Variants in ATP6V0E2 observed in about 807,000 individuals in gnomAD.
ATP6V0E2 encodes ATPase H+ transporting V0 subunit e2.
A neutral mutation model predicts 11.5 loss-of-function variants in ATP6V0E2; 4 were observed. The observed-to-expected ratio is 0.35, with a 90% CI of 0.17 to 0.80. The LOEUF is 0.80. ATP6V0E2 is among the 30% of genes least tolerant of loss of function. The probability of loss-of-function intolerance (pLI) is 0.53; values close to 1 mark genes in which losing one functional copy is unlikely to be tolerated. For synonymous variants in ATP6V0E2, 52 were observed against 51.0 expected, an observed-to-expected ratio of 1.02 and a Z score of -0.09; for missense variants, 93 against 113.5, an observed-to-expected ratio of 0.82 and a Z score of 0.82.
rs1206458932 is a variant in ATP6V0E2, at chr7:149,880,557, A to C, written c.*1242A>C. On this transcript the variant is annotated 3_prime_UTR_variant, in exon 4 of 4. Coordinates refer to ENST00000425642, the MANE Select transcript of ATP6V0E2 (RefSeq NM_145230.4). Reference sequence around the variant, plus strand: ...CTGGCTGGCCAGCTGCTCAGGGCTCAGGCTGGGGCCTCCCATTGACATCCT... The same window carrying C: ...CTGGCTGGCCAGCTGCTCAGGGCTCCGGCTGGGGCCTCCCATTGACATCCT... The C allele has an allele frequency of 6.6e-6, 1 of 152,448 alleles. No individual in the cohort carries two copies. Among genetic ancestry groups the C allele is most frequent in the Non-Finnish European group, 1.5e-5 (1 of 68,228 alleles). The allele number at this position is 152,448 out of a possible 1,614,324, so 9.4% of individuals were successfully genotyped here. A position where few individuals can be genotyped will look rare whatever the true frequency, so the allele number is the denominator to read the frequency against.
intron 2 of ATP6V0E2, among the ~76,000 whole-genome samples, chr7:149,878,006 A>C (rs6980277): frequency 0.6 from 90,527 of 152,132 alleles, 27,296 homozygotes; most frequent in African/African-American, 0.63. Context: ...CAGACAAAGC[A>C]GTGTGGATGT....
chr7:149,873,927 G>A (rs1427506849), upstream of ATP6V0E2: 1 of 1,525,550 alleles, frequency 6.6e-7, no homozygotes, highest in East Asian at 2.4e-5. Flanking sequence ...AGATGCGCGT[G>A]CGCGGCCCGG....
Position 149,879,470 on chromosome 7 carries a change from TG to T in ATP6V0E2, c.*157del, listed in dbSNP as rs754994132. 6.3e-7 allele frequency: 1 copy of T among 1,594,826 alleles called. No individual in the cohort carries two copies. The highest frequency in any genetic ancestry group is 8.5e-7 in the Non-Finnish European group (1 of 1,171,252). ...GAGACCCGGACCCGCAGGGCCTGCC[TG>T]GTTCCTGGAAGTCTTCCCAGTCTTC... On this transcript the variant is annotated 3_prime_UTR_variant, in exon 4 of 4. Coordinates refer to ENST00000425642, the MANE Select transcript of ATP6V0E2 (RefSeq NM_145230.4).
In ATP6V0E2 at chr7:149,880,319, C is replaced by T. The variant is rs1002759665; in HGVS notation, c.*1004C>T. The T allele has an allele frequency of 6.5e-6, 1 of 152,940 alleles. No individual in the cohort carries two copies. The highest frequency in any genetic ancestry group is 1.5e-5 in the Non-Finnish European group (1 of 68,512). 9.5% of individuals were successfully genotyped at this position (152,940 alleles called of 1,614,324 possible). On this transcript the variant is annotated 3_prime_UTR_variant, in exon 4 of 4. Transcript: ENST00000425642. ...GGGGTCCCGGACCTCTCCAGCCTTG[C>T]CCTCACGCTTACCCGAGCTCCCAGT...
upstream of ATP6V0E2, chr7:149,873,739 GC>G (rs1243727173): frequency 3.8e-6 from 3 of 792,886 alleles, no homozygotes; most frequent in African/African-American, 1.9e-5. Context: ...AAATAAGAAT[GC>G]GGCGTGACGT....
At position 149,880,344 on chromosome 7, in the gene ATP6V0E2, T is replaced by A. The variant is rs1485630744; in HGVS notation, c.*1029T>A. 6.6e-6 allele frequency: 1 copy of A among 152,458 alleles called. No homozygotes were observed. Among genetic ancestry groups the A allele is most frequent in the East Asian group, 1.9e-4 (1 of 5,206 alleles). The allele number at this position is 152,458 out of a possible 1,614,324, so 9.4% of individuals were successfully genotyped here. On this transcript the variant is annotated 3_prime_UTR_variant, in exon 4 of 4. Coordinates refer to ENST00000425642, the MANE Select transcript of ATP6V0E2 (RefSeq NM_145230.4). ...CCCTCACGCTTACCCGAGCTCCCAG[T>A]GTGGTTAGCACAGAGCTCACCCACC...
At position 149,879,678 on chromosome 7, in the gene ATP6V0E2, G is replaced by A. The variant is rs371152994; in HGVS notation, c.*363G>A. ...GATGCCAGGACTCAGCCCATCCTGA[G>A]GAGGACACGTGTCCTCATGGAGAGG... On this transcript the variant is annotated 3_prime_UTR_variant, in exon 4 of 4. Coordinates refer to ENST00000425642, the MANE Select transcript of ATP6V0E2 (RefSeq NM_145230.4). 2.7e-5 allele frequency: 39 copies of A among 1,430,628 alleles called. No homozygotes were observed. The African/African-American group carries it at 5.7e-4, about 21-fold the overall frequency. 88.6% of individuals were successfully genotyped at this position (1,430,628 alleles called of 1,614,324 possible).
Position 149,874,147 on chromosome 7 carries a change from G to A in ATP6V0E2, c.82G>A (p.Val28Met). ...CGTCGGCATCGCCGGGCCCTGGTTC[G>A]TGCCGAAGGGACCCAACCGCGGGTA... ...GLVGIAGPWF[V>M]PKGPNRGVII... Residue 28 changes from valine to methionine, a missense_variant, in exon 1 of 4, where the codon GTG becomes ATG. Coordinates refer to ENST00000425642, the MANE Select transcript of ATP6V0E2 (RefSeq NM_145230.4). 1 of 1,549,568 alleles carries A rather than the reference G, an allele frequency of 6.5e-7. No homozygotes were observed. Among genetic ancestry groups the A allele is most frequent in the Middle Eastern group, 1.7e-4 (1 of 5,992 alleles).
rs748657193 is a variant in ATP6V0E2, at chr7:149,878,784, G to A, written c.*13G>A. ...CCTGTGGGAGTGACCCGCCGCCCCC[G>A]ACCCAGGTACTGTGTGGGCGAGGGG... On this transcript the variant is annotated 3_prime_UTR_variant, in exon 3 of 4. Coordinates refer to ENST00000425642, the MANE Select transcript of ATP6V0E2 (RefSeq NM_145230.4). 13 of 1,612,532 alleles carry A rather than the reference G, an allele frequency of 8.1e-6. No homozygotes were observed. The Admixed American group carries it at 1.0e-4, about 12-fold the overall frequency.
chr7:149,875,619 C>T lies in ATP6V0E2; in HGVS notation c.126C>T (p.Val42=), dbSNP rs747235217. ...GCAGAGTGATCATCACCATGCTGGT[C>T]GCCACCGCCGTCTGCTGTTACCTCT... ...PNRGVIITML[V]ATAVCCYLFW... Residue 42 remains valine, a synonymous_variant, in exon 2 of 4, where the codon GTC becomes GTT. Transcript: ENST00000425642. 1.1e-5 allele frequency: 17 copies of T among 1,613,674 alleles called. No individual in the cohort carries two copies. The Admixed American group carries it at 1.8e-4, about 17-fold the overall frequency.
intron 2 of ATP6V0E2, among the ~76,000 whole-genome samples, chr7:149,876,846 C>T (rs1803174249): frequency 6.6e-6 from 1 of 152,144 alleles, no homozygotes; most frequent in Admixed American, 6.5e-5. Flanking sequence ...TGATGAGATG[C>T]TCATTCTTTA....
At chr7:149,877,862 A>G (rs1043011165) in intron 2 of ATP6V0E2, among the ~76,000 whole-genome samples, 1 of 152,238 alleles carries the variant, frequency 6.6e-6, no homozygotes, top group Non-Finnish European at 1.5e-5. Context: ...TAGAAATTAT[A>G]TTTACAAAAC....
In ATP6V0E2 at chr7:149,879,507, C is replaced by A. The variant is rs200322832; in HGVS notation, c.*192C>A. ...GTCTTCCCAGTCTTCCCAGCCAGCCCGGGCCCTGGGGAGCCCTGGGCACAG... is the reference window on the plus strand; with the variant it reads ...GTCTTCCCAGTCTTCCCAGCCAGCCAGGGCCCTGGGGAGCCCTGGGCACAG... On this transcript the variant is annotated 3_prime_UTR_variant, in exon 4 of 4. Transcript: ENST00000425642. 2 of 1,590,016 alleles carry A rather than the reference C, an allele frequency of 1.3e-6. No individual in the cohort carries two copies. Among genetic ancestry groups the A allele is most frequent in the East Asian group, 4.6e-5 (2 of 43,466 alleles).
upstream of ATP6V0E2, chr7:149,873,897 G>A (rs978168153): frequency 1.3e-6 from 2 of 1,497,942 alleles, no homozygotes; most frequent in South Asian, 1.3e-5. Flanking sequence ...CTGAGTGACA[G>A]CGCGGCGGGC....
rs11538582 is a variant in ATP6V0E2, at chr7:149,879,423, A to C, written c.*108A>C. The C allele has an allele frequency of 6.2e-6, 10 of 1,605,118 alleles. No homozygotes were observed. The East Asian group carries it at 2.3e-4, about 36-fold the overall frequency. ...CCCCACACAACTATGTCTGGTCACC[A>C]GCTCCCTCCTGCTGGCACCCAGAGA... On this transcript the variant is annotated 3_prime_UTR_variant, in exon 4 of 4. Transcript: ENST00000425642.
chr7:149,874,130 T>C lies in ATP6V0E2; in HGVS notation c.65T>C (p.Ile22Thr), dbSNP rs374353845. 1,378 of 1,549,898 alleles carry C rather than the reference T, an allele frequency of 8.9e-4. 1 individual carries two copies. Among genetic ancestry groups the C allele is most frequent in the Non-Finnish European group, 1.2e-3 (1,323 of 1,146,572 alleles). ...IFTTFWGLVG[I>T]AGPWFVPKGP... ...ACCACGTTCTGGGGCCTCGTCGGCA[T>C]CGCCGGGCCCTGGTTCGTGCCGAAG... Residue 22 changes from isoleucine to threonine, a missense_variant, in exon 1 of 4, where the codon ATC (isoleucine) becomes ACC (threonine). Ile to Thr is a moderately conservative substitution (Grantham distance 89). Coordinates refer to ENST00000425642, the MANE Select transcript of ATP6V0E2 (RefSeq NM_145230.4).
At chr7:149,878,944 T>C (rs1228154563) in intron 3 of ATP6V0E2, 154 bp downstream of exon 3, 2 of 133,506 alleles carry the variant, frequency 1.5e-5, no homozygotes, top group Non-Finnish European at 1.2e-5. Context: ...CAGGGAGCCA[T>C]CCACACTCCG....
In ATP6V0E2 at chr7:149,879,449, C is replaced by T. The variant is rs763175873; in HGVS notation, c.*134C>T. The T allele has an allele frequency of 1.3e-6, 2 of 1,599,296 alleles. No individual in the cohort carries two copies. Among genetic ancestry groups the T allele is most frequent in the Non-Finnish European group, 1.7e-6 (2 of 1,173,614 alleles). On this transcript the variant is annotated 3_prime_UTR_variant, in exon 4 of 4. Coordinates refer to ENST00000425642, the MANE Select transcript of ATP6V0E2 (RefSeq NM_145230.4). The stretch of plus-strand genomic sequence containing the variant: ...GCTCCCTCCTGCTGGCACCCAGAGA[C>T]CCGGACCCGCAGGGCCTGCCTGGTT...
rs1259033937 is a variant in ATP6V0E2 at position 149,874,050 on chromosome 7, C to T, written c.-16C>T. ...TGCTCGGCCCTGCATCCTGCCTGGG[C>T]ATCCTGCGCCCGGCCATGACGGCGC... On this transcript the variant is annotated 5_prime_UTR_variant, in exon 1 of 4. Coordinates refer to ENST00000425642, the MANE Select transcript of ATP6V0E2 (RefSeq NM_145230.4). The T allele has an allele frequency of 6.5e-7, 1 of 1,549,834 alleles. No homozygotes were observed. The highest frequency in any genetic ancestry group is 8.7e-7 in the Non-Finnish European group (1 of 1,146,622).
Sources: gnomAD v4.1 joint callset for allele counts (sites outside exome capture counted in the v4.1 genomes callset) on GRCh38, gnomAD v4.1.1 for gene constraint, MANE v1.5 for transcripts, NCBI Gene and HGNC (gene_info 2026-07-23, HGNC 2026-07-21) for gene names.